Variants in TBC1D2B observed in about 807,000 individuals in gnomAD.
The protein encoded by TBC1D2B is TBC1 domain family member 2B.
In TBC1D2B, 64 loss-of-function variants were observed where a neutral mutation model predicts 100.8. The observed-to-expected ratio is 0.64, with a 90% CI of 0.52 to 0.78. TBC1D2B has a LOEUF of 0.78. Among genes scored for constraint, TBC1D2B ranks in the 30% least tolerant of loss-of-function variants. TBC1D2B has a pLI of 0.00. For synonymous variants in TBC1D2B, 480 were observed against 479.7 expected (o/e 1.00, Z -0.01); for missense variants, 1,052 against 1,218.4 (o/e 0.86, Z 2.03).
Position 78,077,708 on chromosome 15 carries a change from C to G in TBC1D2B, c.-56G>C, listed in dbSNP as rs1458861623. Reference sequence around the variant, plus strand: ...GCCCTGCGCCTCCGCGCCGCGGCCGCTGCGCCCCCTACCCCCTCCGCACCG... The same window carrying G: ...GCCCTGCGCCTCCGCGCCGCGGCCGGTGCGCCCCCTACCCCCTCCGCACCG... On this transcript the variant is annotated 5_prime_UTR_variant, in exon 1 of 13. Transcript: ENST00000300584. 1 of 984,780 alleles carries G rather than the reference C, an allele frequency of 1.0e-6. No homozygotes were observed. Among genetic ancestry groups the G allele is most frequent in the Admixed American group, 6.2e-5 (1 of 16,132 alleles). The allele number at this position is 984,780 out of a possible 1,614,324, so 61.0% of individuals were successfully genotyped here. A position where few individuals can be genotyped will look rare whatever the true frequency, so the allele number is the denominator to read the frequency against.
Position 78,013,331 on chromosome 15 carries a change from CA to C in TBC1D2B, c.1776-15del. ...ATATCATATTCACTGTTGATAAAAA[CA>C]AAAGGAAAAATTAAAATGACAAAGT... On this transcript the variant is annotated splice_polypyrimidine_tract_variant and intron_variant, in intron 8 of 12. Transcript: ENST00000300584. 1 of 1,560,096 alleles carries C rather than the reference CA, an allele frequency of 6.4e-7. No homozygotes were observed. Among genetic ancestry groups the C allele is most frequent in the African/African-American group, 1.4e-5 (1 of 72,652 alleles).
At chr15:78,002,590 C>T (rs771727152) in intron 11 of TBC1D2B, 1 of 151,980 alleles carries the variant, frequency 6.6e-6, no homozygotes, top group Non-Finnish European at 1.5e-5. Context: ...CTGCTTTCCC[C>T]ATATCTAAGG....
At position 78,032,520 on chromosome 15, in the gene TBC1D2B, C is replaced by T. The variant is rs1567023153; in HGVS notation, c.684-2350G>A. On this transcript the variant is annotated intron_variant, in intron 3 of 12. Coordinates refer to ENST00000300584, the MANE Select transcript of TBC1D2B (RefSeq NM_144572.2). ...TGCACGAAGTGGGAAGTACAAGTCA[C>T]AATGAGGAAAAAAAATCAATCAACA... Among the ~76,000 whole-genome samples, 4 of 150,726 alleles carry T rather than the reference C, an allele frequency of 2.7e-5. No homozygotes were observed. In the South Asian group the frequency reaches 6.3e-4, roughly 24 times the overall value.
intron 1 of TBC1D2B, among the ~76,000 whole-genome samples, chr15:78,065,677 C>T (rs2073641159): frequency 6.6e-6 from 1 of 152,114 alleles, no homozygotes; most frequent in Admixed American, 6.5e-5. Flanking sequence ...GGTCTTGCTC[C>T]ACCTCTGCCC....
In TBC1D2B at chr15:78,014,110, C is replaced by T. The variant is rs558844747; in HGVS notation, c.1776-793G>A. Among the ~76,000 whole-genome samples, 9 of 152,252 alleles carry T rather than the reference C, an allele frequency of 5.9e-5. No homozygotes were observed. The South Asian group carries it at 1.2e-3, about 21-fold the overall frequency. On this transcript the variant is annotated intron_variant, in intron 8 of 12. Coordinates refer to ENST00000300584, the MANE Select transcript of TBC1D2B (RefSeq NM_144572.2). ...GCAAGGAAATAGCGACCTAGTCCTA[C>T]GAATGACTGCAAGGAACTATATTCC...
chr15:78,063,639 A>G (rs1191575953), intron 1 of TBC1D2B, among the ~76,000 whole-genome samples: 2 of 152,216 alleles, frequency 1.3e-5, no homozygotes, highest in Admixed American at 6.5e-5. Flanking sequence ...ATGATGGCCA[A>G]CATGGTTCCA....
intron 10 of TBC1D2B, among the ~76,000 whole-genome samples, chr15:78,007,039 G>A (rs1007128402): frequency 3.9e-5 from 6 of 152,216 alleles, no homozygotes; most frequent in Admixed American, 2.6e-4. Context: ...GCCTTGGGGC[G>A]GGAAGGACCA....
At position 78,077,666 on chromosome 15, in the gene TBC1D2B, C is replaced by T. The variant is rs972689714; in HGVS notation, c.-14G>A. The T allele has an allele frequency of 2.0e-6, 2 of 986,128 alleles. No individual in the cohort carries two copies. The highest frequency in any genetic ancestry group is 1.2e-6 in the Non-Finnish European group (1 of 830,748). The allele number at this position is 986,128 out of a possible 1,614,324, so 61.1% of individuals were successfully genotyped here. Reference sequence around the variant, plus strand: ...GGCCCCCGGCATCGCTACCGCGCGCCAACCGTAGGCGCCCGCGCCCTGCGC... The same window carrying T: ...GGCCCCCGGCATCGCTACCGCGCGCTAACCGTAGGCGCCCGCGCCCTGCGC... On this transcript the variant is annotated 5_prime_UTR_variant, in exon 1 of 13. Transcript: ENST00000300584.
intron 1 of TBC1D2B, among the ~76,000 whole-genome samples, chr15:78,064,336 T>C (rs1417483482): frequency 2.6e-5 from 4 of 152,188 alleles, no homozygotes; most frequent in Admixed American, 1.3e-4. Flanking sequence ...GGTCCTACCA[T>C]GTTTATTAGC....
intron 9 of TBC1D2B, 148 bp downstream of exon 9, chr15:78,012,675 G>A (rs1024658668): frequency 5.6e-6 from 4 of 710,946 alleles, no homozygotes; most frequent in African/African-American, 3.6e-5. Flanking sequence ...GGGATATTGT[G>A]TAATGAAAAC....
At chr15:78,076,941 G>C (rs1248412027) in intron 1 of TBC1D2B, among the ~76,000 whole-genome samples, 1 of 152,214 alleles carries the variant, frequency 6.6e-6, no homozygotes, top group Non-Finnish European at 1.5e-5. Flanking sequence ...GAGGCCCCAG[G>C]GGTAGAAGCC....
chr15:78,037,688 C>T (rs2072980247), intron 3 of TBC1D2B, among the ~76,000 whole-genome samples: 1 of 152,122 alleles, frequency 6.6e-6, no homozygotes, highest in African/African-American at 2.4e-5. Context: ...ACGGGCTTCT[C>T]AAATGCAGGT....
intron 3 of TBC1D2B, among the ~76,000 whole-genome samples, chr15:78,040,445 G>A (rs1017211264): frequency 1.3e-5 from 2 of 151,800 alleles, no homozygotes; most frequent in Non-Finnish European, 2.9e-5. Flanking sequence ...GCTACTCGGG[G>A]GGCTGAGGTG....
Position 78,024,500 on chromosome 15 carries a change from G to C in TBC1D2B, c.1126C>G (p.Gln376Glu), listed in dbSNP as rs1320339987. The C allele has an allele frequency of 1.9e-6, 3 of 1,613,866 alleles. No individual in the cohort carries two copies. The highest frequency in any genetic ancestry group is 2.5e-6 in the Non-Finnish European group (3 of 1,179,828). ...CTGCTTGTGAAATACTTGTCATACT[G>C]GGATGACCGGACTGTCTGCTGGAGC... Reference protein sequence around the residue: ...RLLQQTVRSSQYDKYFTSSRL... With the variant: ...RLLQQTVRSSEYDKYFTSSRL... The change falls in exon 6 of 13, where the codon CAG (glutamine) becomes GAG (glutamate). Residue 376 changes from glutamine to glutamate, a missense_variant. Coordinates refer to ENST00000300584, the MANE Select transcript of TBC1D2B (RefSeq NM_144572.2).
rs2921118 is a variant in TBC1D2B, at chr15:77,995,547, T to G, written c.*2613A>C. ...CAAGGGAGTCACACACATAACATAA[T>G]AACTTGTTATATAAAATAGATATGT... is the stretch of plus-strand genomic sequence containing the variant. On this transcript the variant is annotated 3_prime_UTR_variant, in exon 13 of 13. Coordinates refer to ENST00000300584, the MANE Select transcript of TBC1D2B (RefSeq NM_144572.2). 38,638 of 149,192 alleles carry G rather than the reference T, an allele frequency of 0.26. 4,978 individuals are homozygous for G. The highest frequency in any genetic ancestry group is 0.35 in the East Asian group (1,719 of 4,864). 9.2% of individuals were successfully genotyped at this position (149,192 alleles called of 1,614,324 possible).
chr15:78,057,103 A>C (rs2073441154), intron 1 of TBC1D2B, among the ~76,000 whole-genome samples: 1 of 152,206 alleles, frequency 6.6e-6, no homozygotes, highest in Admixed American at 6.5e-5. Flanking sequence ...GCACCATGAA[A>C]AATCTGCTTT....
intron 10 of TBC1D2B, among the ~76,000 whole-genome samples, chr15:78,004,977 A>T (rs2072027230): frequency 6.6e-6 from 1 of 152,226 alleles, no homozygotes; most frequent in African/African-American, 2.4e-5. Context: ...GGAGCTGTAA[A>T]GTGGCAAGGG....
At chr15:78,020,082 T>C (rs554438641) in intron 6 of TBC1D2B, among the ~76,000 whole-genome samples, 1 of 152,248 alleles carries the variant, frequency 6.6e-6, no homozygotes, top group African/African-American at 2.4e-5. Flanking sequence ...GAGATCTCAC[T>C]ATGTTGCCCA....
chr15:78,065,653 G>A (rs1596330641), intron 1 of TBC1D2B, among the ~76,000 whole-genome samples: 1 of 152,150 alleles, frequency 6.6e-6, no homozygotes, highest in African/African-American at 2.4e-5. Context: ...GCCACAGCCT[G>A]TAGCCTATTG....
Sources: gnomAD v4.1 joint callset for allele counts (sites outside exome capture counted in the v4.1 genomes callset) on GRCh38, gnomAD v4.1.1 for gene constraint, MANE v1.5 for transcripts, NCBI Gene and HGNC (gene_info 2026-07-23, HGNC 2026-07-21) for gene names.